The following ZNF7 variants were observed in gnomAD, a reference collection of about 807,000 sequenced individuals.
ZNF7 encodes the protein C2-H2 type zinc finger protein.
In ZNF7, 10 loss-of-function variants were observed where a neutral mutation model predicts 12.0. The ratio of observed to expected loss-of-function variants is 0.83; its 90% CI spans 0.51 to 1.42. The LOEUF (loss-of-function observed/expected upper bound fraction) is 1.42, where lower values mean the gene tolerates loss of function less well. Among genes scored for constraint, ZNF7 ranks in the 40% most tolerant of loss-of-function variants. ZNF7 has a pLI of 0.00. For synonymous variants in ZNF7, 334 were observed against 295.0 expected (o/e 1.13, Z -1.35); for missense variants, 854 against 837.2 (o/e 1.02, Z -0.25).
chr8:144,838,104 C>A (rs1165184777), intron 4 of ZNF7: 1 of 703,014 alleles, frequency 1.4e-6, no homozygotes, highest in Admixed American at 2.0e-5. Context: ...CCTCTCCGGG[C>A]AGCTGGTGGT....
Position 144,827,610 on chromosome 8 carries a change from G to T in ZNF7, c.-46+1G>T, listed in dbSNP as rs569312316. On this transcript the variant is annotated splice_donor_variant, in intron 1 of 4. Coordinates refer to ENST00000532777, the MANE Select transcript of ZNF7 (RefSeq NM_003416.4). LOFTEE classifies it low-confidence loss of function (5UTR_SPLICE). ...GAGCCTCGGGTGGTCCTCAGGGAGG[G>T]TGAGTCGGCGCGGCGGGCGCGGACT... The T allele has an allele frequency of 3.0e-6, 3 of 985,532 alleles. No individual in the cohort carries two copies. The highest frequency in any genetic ancestry group is 2.3e-4 in the East Asian group (2 of 8,812). 61.0% of individuals were successfully genotyped at this position (985,532 alleles called of 1,614,324 possible). A position where few individuals can be genotyped will look rare whatever the true frequency, so the allele number is the denominator to read the frequency against.
Position 144,832,273 on chromosome 8 carries a change from A to C in ZNF7, c.130+2669A>C, listed in dbSNP as rs1479657563. ...TATTAAAATGCAAAAAAAAAAAAAA[A>C]TTAGCTGGGCATGGCAGTGTACACC... On this transcript the variant is annotated intron_variant, in intron 3 of 4. Transcript: ENST00000532777. Among the ~76,000 whole-genome samples, 7 of 96,564 alleles carry C rather than the reference A, an allele frequency of 7.2e-5. 2 individuals are homozygous for C. Among genetic ancestry groups the C allele is most frequent in the African/African-American group, 2.1e-4 (7 of 33,098 alleles). 63.3% of individuals were successfully genotyped at this position (96,564 alleles called of 152,430 possible).
downstream of ZNF7, among the ~76,000 whole-genome samples, chr8:144,844,439 G>A (rs1262589015): frequency 6.6e-6 from 1 of 152,118 alleles, no homozygotes; most frequent in Admixed American, 6.5e-5. Flanking sequence ...GGCCGGGCGT[G>A]GTGGCTCACG....
intron 3 of ZNF7, among the ~76,000 whole-genome samples, chr8:144,830,535 T>C (rs2130545558): frequency 6.6e-6 from 1 of 152,374 alleles, no homozygotes; most frequent in South Asian, 2.1e-4. Context: ...TCATTCTGTC[T>C]AAGATGCCTT....
chr8:144,845,073 G>A (rs1399307062), downstream of ZNF7, among the ~76,000 whole-genome samples: 1 of 152,180 alleles, frequency 6.6e-6, no homozygotes, highest in African/African-American at 2.4e-5. Context: ...TACTTTACAG[G>A]GGAGGCCACA....
intron 3 of ZNF7, chr8:144,836,161 C>G (rs770974649): frequency 5.3e-5 from 8 of 152,296 alleles, no homozygotes; most frequent in Non-Finnish European, 8.8e-5. Context: ...GCCTGGGCAA[C>G]ATAGCGAGAC....
Position 144,843,440 on chromosome 8 carries a change from T to G in ZNF7, c.*272T>G. ...CATCTCTACTAAAAATACAAAAATT[T>G]AGCTGGGCGTGGTGGCAGGCACCTG... On this transcript the variant is annotated 3_prime_UTR_variant, in exon 5 of 5. Transcript: ENST00000532777. 1.1e-5 allele frequency: 3 copies of G among 260,936 alleles called. No homozygotes were observed. The highest frequency in any genetic ancestry group is 7.4e-5 in the East Asian group (1 of 13,558). 16.2% of individuals were successfully genotyped at this position (260,936 alleles called of 1,614,324 possible).
intron 3 of ZNF7, chr8:144,836,163 T>C (rs1395563712): frequency 6.6e-6 from 1 of 152,156 alleles, no homozygotes; most frequent in Non-Finnish European, 1.5e-5. Context: ...CTGGGCAACA[T>C]AGCGAGACCA....
chr8:144,846,109 T>A, downstream of ZNF7: 1 of 1,523,056 alleles, frequency 6.6e-7, no homozygotes, highest in Non-Finnish European at 8.7e-7. Flanking sequence ...TCTCGTCATC[T>A]CCTCTTGGCC....
chr8:144,836,859 G>A (rs3879820), intron 3 of ZNF7: 5,371 of 153,234 alleles, frequency 0.035, 310 homozygotes, highest in African/African-American at 0.12. Context: ...AGTCTGCAGC[G>A]AGGGAGGCAG....
rs542142378 is a variant in ZNF7, at chr8:144,841,702, G to A, written c.595G>A (p.Glu199Lys). The A allele has an allele frequency of 1.1e-5, 18 of 1,614,180 alleles. No individual in the cohort carries two copies. Among genetic ancestry groups the A allele is most frequent in the South Asian group, 7.7e-5 (7 of 91,092 alleles). ...TGCGGAAGGGATGTCCCAGAGATGC[G>A]AGGAGTGTGGCAAAGGCATCAGAGC... ...ESAEGMSQRC[E>K]ECGKGIRATS... The change falls in exon 5 of 5, where the codon GAG (glutamate) becomes AAG (lysine). Residue 199 changes from glutamate to lysine, a missense_variant. Physicochemically the swap from Glu to Lys is moderately conservative, Grantham distance 56 (BLOSUM62 1). Transcript: ENST00000532777.
Position 144,842,594 on chromosome 8 carries a change from C to T in ZNF7, c.1487C>T (p.Pro496Leu). 1 of 1,614,180 alleles carries T rather than the reference C, an allele frequency of 6.2e-7. No homozygotes were observed. The highest frequency in any genetic ancestry group is 8.5e-7 in the Non-Finnish European group (1 of 1,180,034). ...CAGCGAATCCACACTGGAGAGAAAC[C>T]CTATGTGTGTAATGACTGTGGAAAA... Reference protein sequence around the residue: ...QHQRIHTGEKPYVCNDCGKAF... With the variant: ...QHQRIHTGEKLYVCNDCGKAF... The change falls in exon 5 of 5, where the codon CCC becomes CTC. Residue 496 changes from proline (P) to leucine (L), a missense_variant. Transcript: ENST00000532777.
rs760428153 is a variant in ZNF7 at position 144,841,862 on chromosome 8, G to A, written c.755G>A (p.Cys252Tyr). Residue 252 changes from cysteine to tyrosine, a missense_variant, in exon 5 of 5, where the codon TGT (cysteine) becomes TAT (tyrosine). Physicochemically the swap from Cys to Tyr is radical, Grantham distance 194. Transcript: ENST00000532777. ...TGCCATGGAGAGAAGCCGTACGAAT[G>A]TGCAGAGTGTGGGAAAGTCTTCAGG... ...NNCHGEKPYECAECGKVFRLC... is the reference protein window; with the variant it reads ...NNCHGEKPYEYAECGKVFRLC... The A allele has an allele frequency of 2.5e-6, 4 of 1,614,024 alleles. No homozygotes were observed. The highest frequency in any genetic ancestry group is 1.1e-5 in the South Asian group (1 of 91,088).
At chr8:144,844,709 C>CAAAAAAAAAAAAAAA (rs71320849), downstream of ZNF7, among the ~76,000 whole-genome samples, 2 of 88,614 alleles carry the variant, frequency 2.3e-5, no homozygotes, top group African/African-American at 8.4e-5. Context: ...GACTCTGTAT[C>CAAAAAAAAAAAAAAA]AAAAAAAAAA....
chr8:144,827,618 G>T lies in ZNF7; in HGVS notation c.-46+9G>T. ...GGTGGTCCTCAGGGAGGGTGAGTCGGCGCGGCGGGCGCGGACTCGGGTTGC... is the reference window on the plus strand; with the variant it reads ...GGTGGTCCTCAGGGAGGGTGAGTCGTCGCGGCGGGCGCGGACTCGGGTTGC... On this transcript the variant is annotated intron_variant, in intron 1 of 4. Transcript: ENST00000532777. 2 of 985,494 alleles carry T rather than the reference G, an allele frequency of 2.0e-6. No individual in the cohort carries two copies. The highest frequency in any genetic ancestry group is 2.4e-6 in the Non-Finnish European group (2 of 829,982). 61.0% of individuals were successfully genotyped at this position (985,494 alleles called of 1,614,324 possible).
intron 3 of ZNF7, 97 bp from the exon 4 acceptor site, chr8:144,837,282 GCCTTGTAGCCCC>G: frequency 2.3e-6 from 2 of 878,848 alleles, no homozygotes; most frequent in Admixed American, 4.4e-5. Context: ...CTTGGCCTGT[GCCTTGTAGCCCC>G]CCTGCCCCTT....
Position 144,840,916 on chromosome 8 carries a change from T to A in ZNF7, c.248-439T>A, listed in dbSNP as rs2955208. 821 of 159,398 alleles carry A rather than the reference T, an allele frequency of 5.2e-3. 12 individuals are homozygous for A. The highest frequency in any genetic ancestry group is 0.019 in the African/African-American group (779 of 41,700). The allele number at this position is 159,398 out of a possible 1,614,324, so 9.9% of individuals were successfully genotyped here. A position where few individuals can be genotyped will look rare whatever the true frequency, so the allele number is the denominator to read the frequency against. ...CCTTGGCAGCTCTTCCAGCCTTGTT[T>A]CCTCATCACAATCCATGCTCTCCAT... On this transcript the variant is annotated intron_variant, in intron 4 of 4. Coordinates refer to ENST00000532777, the MANE Select transcript of ZNF7 (RefSeq NM_003416.4).
At chr8:144,830,457 T>TA (rs1346302177) in intron 3 of ZNF7, among the ~76,000 whole-genome samples, 1 of 152,254 alleles carries the variant, frequency 6.6e-6, no homozygotes, top group Non-Finnish European at 1.5e-5. Flanking sequence ...TTCTGTGAAA[T>TA]ATCTGTTCAG....
At chr8:144,828,916 C>G (rs1265125781) in intron 1 of ZNF7, 127 bp from the exon 2 acceptor site, 8 of 1,260,690 alleles carry the variant, frequency 6.3e-6, no homozygotes, top group Non-Finnish European at 8.8e-6. Context: ...TTCAGCCCAG[C>G]CCCATGTCCC....
Sources: gnomAD v4.1 joint callset for allele counts (sites outside exome capture counted in the v4.1 genomes callset) on GRCh38, gnomAD v4.1.1 for gene constraint, MANE v1.5 for transcripts, NCBI Gene and HGNC (gene_info 2026-07-23, HGNC 2026-07-21) for gene names.